The following PTCH2 variants were observed in gnomAD, a reference collection of about 807,000 sequenced individuals.
PTCH2 encodes the protein protein patched homolog 2.
PTCH2 carries 96 observed loss-of-function variants against 117.9 expected under a neutral mutation model. That is an observed-to-expected ratio of 0.81 (90% CI 0.69 to 0.96). The LOEUF (loss-of-function observed/expected upper bound fraction) is 0.96. PTCH2 is among the 50% of genes least tolerant of loss of function. The probability of loss-of-function intolerance (pLI) is 0.00; values close to 1 mark genes in which losing one functional copy is unlikely to be tolerated. For synonymous variants in PTCH2, 615 were observed against 660.9 expected (o/e 0.93, Z 1.06); for missense variants, 1,379 against 1,562.5 (o/e 0.88, Z 1.98).
In PTCH2 at chr1:44,826,767, G is replaced by T. The variant is rs777596264; in HGVS notation, c.2697C>A (p.Ile899=). 5 of 1,597,884 alleles carry T rather than the reference G, an allele frequency of 3.1e-6. No individual in the cohort carries two copies. The highest frequency in any genetic ancestry group is 1.3e-5 in the African/African-American group (1 of 74,584). ...CAAACTCCAAGGGCTGAGCTGGCGG[G>T]ACTGTGGAGGGGAGGGGAAGGGAGA... ...KYDTTGENLR[I]PPAQPLEFAQ... The change falls in exon 18 of 22, where the codon ATC becomes ATA. Residue 899 remains isoleucine (I), a splice_region_variant and synonymous_variant. Transcript: ENST00000372192. This position sits in a 1 kb window ranked among gnomAD's most constrained non-coding sequence, Gnocchi z 5.1.
At chr1:44,838,980 C>T (rs781477320) in intron 2 of PTCH2, among the ~76,000 whole-genome samples, 4 of 152,158 alleles carry the variant, frequency 2.6e-5, no homozygotes, top group South Asian at 4.1e-4. Flanking sequence ...CCACCTACTT[C>T]GGCCTCCCGA....
chr1:44,824,179 C>T (rs1283934750), intron 19 of PTCH2, among the ~76,000 whole-genome samples: 1 of 152,194 alleles, frequency 6.6e-6, no homozygotes, highest in South Asian at 2.1e-4. Flanking sequence ...AGAAGAGGGA[C>T]ATCAAAGTGA....
downstream of PTCH2, chr1:44,820,635 A>G (rs1652872865): frequency 1.4e-6 from 1 of 710,896 alleles, no homozygotes; most frequent in Admixed American, 2.0e-5. Flanking sequence ...CAGCCTGTCC[A>G]GACAGTGGCG....
intron 6 of PTCH2, 61 bp downstream of exon 6, chr1:44,830,787 G>GTA: frequency 6.8e-7 from 1 of 1,478,758 alleles, no homozygotes. Flanking sequence ...GAACACAGGA[G>GTA]TATGAGGAAG....
At position 44,826,886 on chromosome 1, in the gene PTCH2, T is replaced by TC. The variant is rs781515811; in HGVS notation, c.2695+15dup. On this transcript the variant is annotated intron_variant, in intron 17 of 21. Coordinates refer to ENST00000372192, the MANE Select transcript of PTCH2 (RefSeq NM_003738.5). The surrounding 1 kb of genome is among the most constrained non-coding windows in gnomAD (Gnocchi z 5.1). Reference sequence around the variant, plus strand: ...GGCGAGGCTGAGGCTCTTGCCGAGCTCCCCCCAAGACTCACTGCGAAGGTT... The same window carrying TC: ...GGCGAGGCTGAGGCTCTTGCCGAGCTCCCCCCCAAGACTCACTGCGAAGGTT... 1.2e-6 allele frequency: 2 copies of TC among 1,613,080 alleles called. No homozygotes were observed. The highest frequency in any genetic ancestry group is 2.2e-5 in the East Asian group (1 of 44,856).
intron 2 of PTCH2, among the ~76,000 whole-genome samples, chr1:44,838,606 G>A (rs1204665672): frequency 6.6e-6 from 1 of 152,192 alleles, no homozygotes; most frequent in Non-Finnish European, 1.5e-5. Context: ...GGCCAGGAAA[G>A]ACAAACAAGT....
At position 44,829,520 on chromosome 1, in the gene PTCH2, G is replaced by A. The variant is rs749141668; in HGVS notation, c.1097C>T (p.Ala366Val). ...CTGCTGGGAAGCGTTCTCAGGCAGG[G>A]CCTCCTGGGCCAGCTGGAGAAACAG... Reference protein sequence around the residue: ...QRRFVQLAQEALPENASQQIH... With the variant: ...QRRFVQLAQEVLPENASQQIH... Residue 366 changes from alanine (A) to valine (V), a missense_variant, in exon 9 of 22, where the codon GCC becomes GTC. Transcript: ENST00000372192. 3 of 1,614,194 alleles carry A rather than the reference G, an allele frequency of 1.9e-6. No homozygotes were observed. Among genetic ancestry groups the A allele is most frequent in the Non-Finnish European group, 2.5e-6 (3 of 1,180,022 alleles).
In PTCH2 at chr1:44,828,730, G is replaced by A. The variant is rs565937737; in HGVS notation, c.1465-99C>T. ...CTCAGGAACTTGGGGTGCAGAGGTG[G>A]GGCAGTCATAACACAGTGGCTAGCA... On this transcript the variant is annotated intron_variant, in intron 11 of 21. Transcript: ENST00000372192. 1.4e-5 allele frequency: 21 copies of A among 1,509,380 alleles called. 1 individual carries two copies. Among genetic ancestry groups the A allele is most frequent in the African/African-American group, 1.4e-4 (10 of 72,462 alleles). The allele number at this position is 1,509,380 out of a possible 1,614,324, so 93.5% of individuals were successfully genotyped here.
chr1:44,839,778 G>T (rs1024586495), intron 2 of PTCH2, among the ~76,000 whole-genome samples: 11 of 152,150 alleles, frequency 7.2e-5, no homozygotes, highest in African/African-American at 2.7e-4. Flanking sequence ...CGAGACATCT[G>T]CTCTGGACCC....
Position 44,826,953 on chromosome 1 carries a change from G to GT in PTCH2, c.2643dup (p.Pro882ThrfsTer3). On this transcript the variant is annotated frameshift_variant, in exon 17 of 22. Transcript: ENST00000372192. LOFTEE classifies it high-confidence loss of function. This position sits in a 1 kb window ranked among gnomAD's most constrained non-coding sequence, Gnocchi z 5.1. ...TATTTGTCGTGCAGCCATTCAGGAG[G>GT]TGGGGGGTAGAAGTTGGCCTGTGAG... The GT allele has an allele frequency of 6.2e-7, 1 of 1,614,084 alleles. No individual in the cohort carries two copies. The highest frequency in any genetic ancestry group is 2.2e-5 in the East Asian group (1 of 44,888).
At chr1:44,820,665 G>T (rs1259059745), downstream of PTCH2, 2 of 716,816 alleles carry the variant, frequency 2.8e-6, no homozygotes, top group Non-Finnish European at 5.2e-6. Flanking sequence ...TCTGATGAGG[G>T]GGTGCTGGGG....
intron 2 of PTCH2, among the ~76,000 whole-genome samples, chr1:44,837,033 A>G (rs1341269477): frequency 6.6e-6 from 1 of 152,224 alleles, no homozygotes; most frequent in Non-Finnish European, 1.5e-5. Context: ...ACTTTGAGAT[A>G]AGTCTGAGGA....
At chr1:44,820,281 T>C (rs571832195), downstream of PTCH2, 9 of 461,308 alleles carry the variant, frequency 2.0e-5, no homozygotes, top group East Asian at 5.9e-4. Context: ...TTTGCTCTCC[T>C]ATGCTCCTCT....
chr1:44,842,132 G>A (rs528311851), intron 1 of PTCH2, 93 bp from the exon 2 acceptor site: 102 of 1,270,584 alleles, frequency 8.0e-5, no homozygotes, highest in African/African-American at 5.6e-4. Flanking sequence ...CCCAGCCCTC[G>A]CTTCTTGATT....
At chr1:44,836,075 C>T (rs1233014909) in intron 2 of PTCH2, among the ~76,000 whole-genome samples, 2 of 152,170 alleles carry the variant, frequency 1.3e-5, no homozygotes, top group Admixed American at 6.5e-5. Context: ...CTGTCAGCAC[C>T]TTCCTCCTTT....
intron 2 of PTCH2, among the ~76,000 whole-genome samples, chr1:44,834,933 T>C (rs1653620288): frequency 6.6e-6 from 1 of 152,120 alleles, no homozygotes; most frequent in Non-Finnish European, 1.5e-5. Flanking sequence ...GGTACAGATG[T>C]GGAGTTATTT....
Position 44,830,926 on chromosome 1 carries a change from C to G in PTCH2, c.735G>C (p.Gln245His), listed in dbSNP as rs138577588. ...GCAGACAGGGCCGCCCCACGTAGGCCTGGCCCACCTGTGCCTTGTCTAGCA... is the reference window on the plus strand; with the variant it reads ...GCAGACAGGGCCGCCCCACGTAGGCGTGGCCCACCTGTGCCTTGTCTAGCA... ...RELLDKAQVGQAYVGRPCLHP... is the reference protein window; with the variant it reads ...RELLDKAQVGHAYVGRPCLHP... Residue 245 changes from glutamine to histidine, a missense_variant, in exon 6 of 22, where the codon CAG becomes CAC. Transcript: ENST00000372192. 5.8e-4 allele frequency: 931 copies of G among 1,600,076 alleles called. 4 individuals carry two copies. Among genetic ancestry groups the G allele is most frequent in the Admixed American group, 4.1e-3 (244 of 59,606 alleles).
downstream of PTCH2, chr1:44,820,505 G>A (rs1446911892): frequency 8.8e-6 from 6 of 684,584 alleles, no homozygotes; most frequent in South Asian, 1.5e-5. Context: ...CCTCCTGGAG[G>A]AGATGGCATC....
At chr1:44,829,845 C>G (rs2148878239) in intron 7 of PTCH2, 64 bp downstream of exon 7, 1 of 1,613,974 alleles carries the variant, frequency 6.2e-7, no homozygotes, top group Non-Finnish European at 8.5e-7. Flanking sequence ...CCAGAGCTGC[C>G]TGGCATTACA....
Sources: allele counts gnomAD v4.1 joint callset (sites outside exome capture counted in the v4.1 genomes callset), GRCh38; gene constraint gnomAD v4.1.1; non-coding constraint Gnocchi (gnomAD v3.1); transcripts MANE v1.5; gene names NCBI Gene and HGNC (gene_info 2026-07-23, HGNC 2026-07-21).